The following EML2 variants were observed in gnomAD, a reference collection of about 807,000 sequenced individuals.
The protein encoded by EML2 is echinoderm microtubule-associated protein-like 2.
Under a neutral mutation model 84.7 loss-of-function variants are expected in EML2, and 59 were observed. The ratio of observed to expected loss-of-function variants is 0.70; its 90% CI spans 0.56 to 0.86. EML2 has a LOEUF of 0.86. Ranked by LOEUF, EML2 falls within the 40% of genes least tolerant of loss-of-function variation. The pLI is 0.00. For missense variants in EML2, 818 were observed against 855.6 expected (o/e 0.96, Z 0.55); for synonymous variants, 352 against 348.9 (o/e 1.01, Z -0.10).
chr19:45,622,328 C>G (rs373865543), intron 9 of EML2, among the ~76,000 whole-genome samples: 3 of 152,188 alleles, frequency 2.0e-5, no homozygotes, highest in African/African-American at 4.8e-5. Flanking sequence ...ACCCATCTCT[C>G]TACTGATCCA....
chr19:45,616,369 T>C, intron 15 of EML2, 92 bp downstream of exon 15: 1 of 936,708 alleles, frequency 1.1e-6, no homozygotes, highest in South Asian at 1.6e-5. Context: ...CAGTTGAGTG[T>C]TGAAGCTGCG....
intron 18 of EML2, among the ~76,000 whole-genome samples, chr19:45,611,333 C>T (rs1970471292): frequency 1.3e-5 from 2 of 151,684 alleles, no homozygotes; most frequent in South Asian, 4.2e-4. Flanking sequence ...ATCGCTTGAA[C>T]CCAGGAGGCG....
At chr19:45,624,539 G>C (rs551812706) in intron 9 of EML2, among the ~76,000 whole-genome samples, 180 bp downstream of exon 9, 8 of 152,192 alleles carry the variant, frequency 5.3e-5, no homozygotes, top group African/African-American at 1.9e-4. Context: ...GGGCAAGGCA[G>C]GGGGGAGTCA....
At chr19:45,626,960 C>CTTT (rs5828242) in intron 7 of EML2, 121 bp from the exon 8 acceptor site, 6,956 of 525,742 alleles carry the variant, frequency 0.013, 2 homozygotes, top group East Asian at 0.025. Context: ...CTGAACTTTT[C>CTTT]TTTTTTTTTT....
At position 45,621,569 on chromosome 19, in the gene EML2, G is replaced by T. The variant is rs201010532; in HGVS notation, c.910C>A (p.Arg304=). ...CCTCCAGACACCAGCGTCCCGTCCC[G>T]CAGGGCGCAGAGCCCAAACACGCCG... ...DGGVFGLCAL[R]DGTLVSGGGR... is the part of the protein sequence containing the mutation. The change falls in exon 10 of 19, where the codon CGG becomes AGG. Residue 304 remains arginine (R), a synonymous_variant. Coordinates refer to ENST00000245925, the MANE Select transcript of EML2 (RefSeq NM_012155.4). 8 of 1,612,338 alleles carry T rather than the reference G, an allele frequency of 5.0e-6. No individual in the cohort carries two copies. The highest frequency in any genetic ancestry group is 6.8e-6 in the Non-Finnish European group (8 of 1,179,926).
chr19:45,633,546 C>T (rs1216576650), intron 4 of EML2, among the ~76,000 whole-genome samples: 3 of 151,870 alleles, frequency 2.0e-5, no homozygotes, highest in African/African-American at 7.3e-5. Context: ...TGACACCTGC[C>T]TGGCCAACAT....
chr19:45,614,640 G>C lies in EML2; in HGVS notation c.1658C>G (p.Ala553Gly). The change falls in exon 17 of 19, where the codon GCC (alanine) becomes GGC (glycine). Residue 553 changes from alanine to glycine, a missense_variant. Physicochemically the swap from Ala to Gly is moderately conservative, Grantham distance 60. Transcript: ENST00000245925. ...AAACCCTAGGACACAAGTAGCTGTG[G>C]CCCATTCCATGTTCCTCACAGCATC... ...SADAVRNMEWATATCVLGFGV... is the reference protein window; with the variant it reads ...SADAVRNMEWGTATCVLGFGV... 6.2e-7 allele frequency: 1 copy of C among 1,614,058 alleles called. No homozygotes were observed.
At chr19:45,609,931 T>G in intron 18 of EML2, 143 bp from the exon 19 acceptor site, 2 of 951,922 alleles carry the variant, frequency 2.1e-6, no homozygotes, top group Admixed American at 6.1e-5. Context: ...CACTTAGGTA[T>G]GAGCACAGCT....
chr19:45,641,812 G>A, upstream of EML2: 3 of 1,523,688 alleles, frequency 2.0e-6, no homozygotes, highest in Non-Finnish European at 2.6e-6. Context: ...CCGTGAGCAA[G>A]CGAGATTCTC....
chr19:45,626,851 G>A lies in EML2; in HGVS notation c.607-12C>T. ...GCCTCATTGGAGCACTTTGGGGGGT[G>A]GGGGAGATTCTGAATGAGGACCTCA... On this transcript the variant is annotated splice_polypyrimidine_tract_variant and intron_variant, in intron 7 of 18. Transcript: ENST00000245925. 6.2e-7 allele frequency: 1 copy of A among 1,602,430 alleles called. No individual in the cohort carries two copies. Among genetic ancestry groups the A allele is most frequent in the Non-Finnish European group, 8.5e-7 (1 of 1,173,806 alleles).
chr19:45,616,429 G>A (rs757857153), intron 15 of EML2, 32 bp downstream of exon 15: 2 of 1,534,096 alleles, frequency 1.3e-6, no homozygotes, highest in Non-Finnish European at 1.8e-6. Flanking sequence ...GGGCGGGGTG[G>A]CGGCGCGGGC....
At chr19:45,613,884 C>G (rs575469397) in intron 17 of EML2, among the ~76,000 whole-genome samples, 1 of 152,274 alleles carries the variant, frequency 6.6e-6, no homozygotes, top group East Asian at 1.9e-4. Context: ...TAGAAGAAAG[C>G]CTGTGGTTCT....
chr19:45,641,278 T>G (rs1974460636), upstream of EML2: 2 of 216,358 alleles, frequency 9.2e-6, no homozygotes, highest in African/African-American at 4.6e-5. Flanking sequence ...ACTCCCTCTT[T>G]CCTTGTAGAA....
At chr19:45,632,248 C>A (rs1475744715) in intron 6 of EML2, among the ~76,000 whole-genome samples, 3 of 149,982 alleles carry the variant, frequency 2.0e-5, no homozygotes, top group African/African-American at 7.4e-5. Flanking sequence ...AGTGCTGTGG[C>A]GCGATCTCGA....
At chr19:45,620,632 C>T (rs1053766561) in intron 11 of EML2, among the ~76,000 whole-genome samples, 5 of 147,480 alleles carry the variant, frequency 3.4e-5, no homozygotes, top group East Asian at 4.1e-4. Context: ...TCACTTGAAG[C>T]GGGAGGCAGA....
At chr19:45,633,788 AG>A (rs2122764824) in intron 4 of EML2, among the ~76,000 whole-genome samples, 1 of 152,120 alleles carries the variant, frequency 6.6e-6, no homozygotes, top group Admixed American at 6.6e-5. Flanking sequence ...TCTGTCCCCC[AG>A]GCTAGAGTGC....
intron 12 of EML2, 146 bp from the exon 13 acceptor site, chr19:45,617,843 C>A: frequency 1.7e-6 from 1 of 600,804 alleles, no homozygotes; most frequent in Non-Finnish European, 2.9e-6. Context: ...ACCCCAGACA[C>A]CATGGCAGCC....
At chr19:45,643,900 G>T (rs1299989584), upstream of EML2, among the ~76,000 whole-genome samples, 1 of 152,216 alleles carries the variant, frequency 6.6e-6, no homozygotes, top group Non-Finnish European at 1.5e-5. Flanking sequence ...CGTAACAGGG[G>T]GAAACCTCTA....
At chr19:45,645,391 C>A, upstream of EML2, 1 of 1,504,936 alleles carries the variant, frequency 6.6e-7, no homozygotes. Flanking sequence ...GGGCCCGGTC[C>A]CCCCAACCAG....
Sources: allele counts gnomAD v4.1 joint callset (sites outside exome capture counted in the v4.1 genomes callset), GRCh38; gene constraint gnomAD v4.1.1; transcripts MANE v1.5; gene names NCBI Gene and HGNC (gene_info 2026-07-23, HGNC 2026-07-21).